Variants in CYP3A43 observed in about 807,000 individuals in gnomAD.
The protein encoded by CYP3A43 is cytochrome P450 family 3 subfamily A member 43.
In CYP3A43, 45 loss-of-function variants were observed where a neutral mutation model predicts 58.0. That is an observed-to-expected ratio of 0.78 (90% confidence interval 0.61 to 0.99). The LOEUF is 0.99. Ranked by LOEUF, CYP3A43 falls within the 50% of genes least tolerant of loss-of-function variation. The pLI is 0.00. For missense variants in CYP3A43, 593 were observed against 591.9 expected (o/e 1.00, Z -0.02); for synonymous variants, 191 against 201.4 (o/e 0.95, Z 0.44).
At chr7:99,838,522 G>A (rs1425831592) in intron 2 of CYP3A43, among the ~76,000 whole-genome samples, 2 of 152,204 alleles carry the variant, frequency 1.3e-5, no homozygotes, top group Non-Finnish European at 2.9e-5. Context: ...GACAACATAT[G>A]CAGAAATGAA....
chr7:99,830,637 A>C (rs1351343805), intron 1 of CYP3A43, among the ~76,000 whole-genome samples: 1 of 152,182 alleles, frequency 6.6e-6, no homozygotes, highest in East Asian at 1.9e-4. Context: ...ACTTTTGTTT[A>C]TCATGCTTTT....
chr7:99,860,720 G>T lies in CYP3A43; in HGVS notation c.1026+730G>T, dbSNP rs142535130. Reference sequence around the variant, plus strand: ...AAATTGTTCGAGAAAGACAGGATGGGGCTGCCCGGAGGGTTCCTATCCTGT... The same window carrying T: ...AAATTGTTCGAGAAAGACAGGATGGTGCTGCCCGGAGGGTTCCTATCCTGT... On this transcript the variant is annotated intron_variant, in intron 10 of 12. Coordinates refer to ENST00000354829, the MANE Select transcript of CYP3A43 (RefSeq NM_057095.3). Among the ~76,000 whole-genome samples the T allele has an allele frequency of 2.4e-3, 370 of 152,244 alleles. 2 individuals carry two copies. Among genetic ancestry groups the T allele is most frequent in the African/African-American group, 8.5e-3 (355 of 41,554 alleles).
At chr7:99,860,114 C>T (rs1818171054) in intron 10 of CYP3A43, 124 bp downstream of exon 10, 4 of 1,205,294 alleles carry the variant, frequency 3.3e-6, no homozygotes, top group South Asian at 3.1e-5. Context: ...TTACACTATG[C>T]AGAAAGGCTG....
At chr7:99,839,981 A>C (rs769044107) in intron 3 of CYP3A43, among the ~76,000 whole-genome samples, 2 of 152,164 alleles carry the variant, frequency 1.3e-5, no homozygotes, top group Non-Finnish European at 2.9e-5. Flanking sequence ...AAATGGGGTG[A>C]CAAAGATAAG....
intron 3 of CYP3A43, among the ~76,000 whole-genome samples, chr7:99,841,026 C>A (rs1162980577): frequency 6.6e-6 from 1 of 152,184 alleles, no homozygotes. Flanking sequence ...GAGCTCCTTT[C>A]TGGGAGTTTT....
chr7:99,843,188 GA>G (rs1817408033), intron 3 of CYP3A43, among the ~76,000 whole-genome samples: 1 of 152,064 alleles, frequency 6.6e-6, no homozygotes, highest in African/African-American at 2.4e-5. Flanking sequence ...AGCCTCACAA[GA>G]ATGTGACCAT....
chr7:99,835,434 AT>A (rs1563059283), intron 1 of CYP3A43, among the ~76,000 whole-genome samples: 2 of 152,330 alleles, frequency 1.3e-5, no homozygotes, highest in South Asian at 2.1e-4. Flanking sequence ...TTATGAACAT[AT>A]GCGGTATGGT....
intron 2 of CYP3A43, among the ~76,000 whole-genome samples, chr7:99,836,898 G>T (rs1411037149): frequency 1.3e-5 from 2 of 152,130 alleles, no homozygotes; most frequent in African/African-American, 4.8e-5. Flanking sequence ...GCAGAAATGG[G>T]GAAATGGGAG....
chr7:99,849,500 G>A (rs568859), intron 6 of CYP3A43, 46 bp from the exon 7 acceptor site: 135,687 of 1,557,420 alleles, frequency 0.087, 13,347 homozygotes, highest in African/African-American at 0.52. Context: ...GCAGAAGGAA[G>A]GTAAAGAGGT....
chr7:99,863,438 G>A (rs984281273), intron 11 of CYP3A43, 99 bp from the exon 12 acceptor site: 2 of 955,444 alleles, frequency 2.1e-6, no homozygotes, highest in African/African-American at 1.7e-5. Context: ...AGGCCAAGGA[G>A]GTCCTCGCCT....
At position 99,839,178 on chromosome 7, in the gene CYP3A43, T is replaced by C. The variant is rs1358963175; in HGVS notation, c.218+6T>C. On this transcript the variant is annotated splice_donor_region_variant and intron_variant, in intron 3 of 12. Coordinates refer to ENST00000354829, the MANE Select transcript of CYP3A43 (RefSeq NM_057095.3). ...AAATACGGAGAAATGTGGGGGTGAG[T>C]ATTCTGGAAACTTGCATTGGATAGA... The C allele has an allele frequency of 5.0e-6, 8 of 1,613,808 alleles. No homozygotes were observed. Among genetic ancestry groups the C allele is most frequent in the Non-Finnish European group, 6.8e-6 (8 of 1,179,974 alleles).
At chr7:99,847,392 T>C in intron 4 of CYP3A43, 96 bp from the exon 5 acceptor site, 1 of 1,282,408 alleles carries the variant, frequency 7.8e-7, no homozygotes, top group East Asian at 2.4e-5. Context: ...TTACTAAATA[T>C]TTGTTAAATT....
chr7:99,859,390 G>A (rs993530777), intron 9 of CYP3A43, among the ~76,000 whole-genome samples: 1 of 152,156 alleles, frequency 6.6e-6, no homozygotes, highest in African/African-American at 2.4e-5. Context: ...CCTTAGTATT[G>A]CAAACTGTCT....
At chr7:99,844,493 ATG>A (rs1256605448) in intron 4 of CYP3A43, among the ~76,000 whole-genome samples, 1 of 152,050 alleles carries the variant, frequency 6.6e-6, no homozygotes, top group East Asian at 1.9e-4. Flanking sequence ...GTGGGTGTAT[ATG>A]TGTGTGTGTA....
intron 2 of CYP3A43, among the ~76,000 whole-genome samples, chr7:99,837,292 T>C (rs800673): frequency 0.2 from 29,388 of 145,380 alleles, 6,385 homozygotes; most frequent in African/African-American, 0.56. Flanking sequence ...GCACTCTGGC[T>C]TGGGTGAAAG....
intron 6 of CYP3A43, among the ~76,000 whole-genome samples, chr7:99,848,554 A>G (rs1249420905): frequency 6.6e-6 from 1 of 152,216 alleles, no homozygotes; most frequent in African/African-American, 2.4e-5. Flanking sequence ...ACCTGATTGT[A>G]CTAAAGTTTT....
intron 2 of CYP3A43, chr7:99,838,655 A>G (rs141472351): frequency 1.6e-6 from 2 of 1,287,326 alleles, no homozygotes; most frequent in African/African-American, 3.0e-5. Flanking sequence ...TATCTTCTGT[A>G]TTTTCTCTCC....
chr7:99,840,828 A>G (rs781105741), intron 3 of CYP3A43, among the ~76,000 whole-genome samples: 3 of 152,168 alleles, frequency 2.0e-5, no homozygotes, highest in East Asian at 1.9e-4. Context: ...GGTAACCACA[A>G]TGGGATTCAC....
chr7:99,861,251 GA>G (rs1208860860), intron 10 of CYP3A43, among the ~76,000 whole-genome samples: 1 of 152,162 alleles, frequency 6.6e-6, no homozygotes, highest in East Asian at 1.9e-4. Context: ...CCTTGGTACA[GA>G]TGCATAGCCT....
Sources: allele counts gnomAD v4.1 joint callset (sites outside exome capture counted in the v4.1 genomes callset), GRCh38; gene constraint gnomAD v4.1.1; transcripts MANE v1.5; gene names NCBI Gene and HGNC (gene_info 2026-07-23, HGNC 2026-07-21).